The following SLC25A21 variants were observed in gnomAD, a reference collection of about 807,000 sequenced individuals.
SLC25A21 encodes mitochondrial 2-oxodicarboxylate carrier.
In SLC25A21, 47 loss-of-function variants were observed where a neutral mutation model predicts 43.8. That is an observed-to-expected ratio of 1.07 (90% CI 0.85 to 1.37). The LOEUF is 1.37. Ranked by LOEUF, SLC25A21 falls within the 40% of genes most tolerant of loss-of-function variation. The pLI is 0.00. For synonymous variants in SLC25A21, 131 were observed against 121.3 expected (o/e 1.08, Z -0.52); for missense variants, 352 against 350.2 (o/e 1.00, Z -0.04).
intron 1 of SLC25A21, among the ~76,000 whole-genome samples, chr14:36,896,363 TCCTG>T (rs1891238881): frequency 6.6e-6 from 1 of 151,964 alleles, no homozygotes; most frequent in Admixed American, 6.6e-5. Flanking sequence ...GGATTGCAAC[TCCTG>T]CCTTTTTTTG....
At chr14:37,153,392 C>G (rs1190110514) in intron 1 of SLC25A21, among the ~76,000 whole-genome samples, 1 of 152,186 alleles carries the variant, frequency 6.6e-6, no homozygotes. Context: ...AAGAAGCAAG[C>G]AAGACATGAG....
chr14:36,764,308 T>A (rs554131735), intron 3 of SLC25A21, among the ~76,000 whole-genome samples: 2 of 151,732 alleles, frequency 1.3e-5, no homozygotes, highest in African/African-American at 4.8e-5. Flanking sequence ...AGCCTTGCCT[T>A]TCATTGAGAT....
chr14:36,797,652 T>C (rs1382525019), intron 3 of SLC25A21, among the ~76,000 whole-genome samples: 3 of 152,212 alleles, frequency 2.0e-5, no homozygotes, highest in African/African-American at 7.2e-5. Context: ...TTACTTACTT[T>C]AAAACCCTTG....
At chr14:37,134,046 C>A (rs1397050108) in intron 1 of SLC25A21, among the ~76,000 whole-genome samples, 3 of 151,966 alleles carry the variant, frequency 2.0e-5, no homozygotes, top group African/African-American at 7.3e-5. Flanking sequence ...GAGAAACATC[C>A]CAGGAAGATA....
chr14:37,086,920 T>C (rs1274636181), intron 1 of SLC25A21, among the ~76,000 whole-genome samples: 1 of 152,218 alleles, frequency 6.6e-6, no homozygotes, highest in Non-Finnish European at 1.5e-5. Context: ...AGACTTTATT[T>C]CAGCTTCAAG....
intron 1 of SLC25A21, among the ~76,000 whole-genome samples, chr14:37,035,716 G>A (rs1179228300): frequency 2.0e-5 from 3 of 152,112 alleles, no homozygotes; most frequent in African/African-American, 7.2e-5. Flanking sequence ...AGGTACCAAG[G>A]GCATAAGCAC....
intron 3 of SLC25A21, among the ~76,000 whole-genome samples, chr14:36,770,877 C>A (rs1886595414): frequency 6.6e-6 from 1 of 152,168 alleles, no homozygotes; most frequent in Non-Finnish European, 1.5e-5. Context: ...GCCTTCTTGA[C>A]TTTGTGCATA....
intron 2 of SLC25A21, among the ~76,000 whole-genome samples, chr14:36,859,179 T>A (rs1889992191): frequency 6.6e-6 from 1 of 152,208 alleles, no homozygotes; most frequent in East Asian, 1.9e-4. Flanking sequence ...GGTTGTCTTT[T>A]AAAAAGAAAA....
At chr14:36,973,869 G>A (rs541035684) in intron 1 of SLC25A21, among the ~76,000 whole-genome samples, 4 of 152,260 alleles carry the variant, frequency 2.6e-5, no homozygotes, top group African/African-American at 7.2e-5. Context: ...AACTGAGGCA[G>A]AATGAGAAGT....
intron 7 of SLC25A21, among the ~76,000 whole-genome samples, chr14:36,695,782 G>A (rs906322211): frequency 6.6e-6 from 1 of 152,056 alleles, no homozygotes; most frequent in Non-Finnish European, 1.5e-5. Flanking sequence ...TCCTGAATTT[G>A]CTTATCAGTT....
intron 3 of SLC25A21, among the ~76,000 whole-genome samples, chr14:36,752,714 T>C (rs548347044): frequency 6.6e-6 from 1 of 152,234 alleles, no homozygotes; most frequent in African/African-American, 2.4e-5. Context: ...TCCCCACATG[T>C]TGTGGGAGGG....
rs115638983 is a variant in SLC25A21 at position 36,908,979 on chromosome 14, C to T, written c.71-33975G>A. Among the ~76,000 whole-genome samples the T allele has an allele frequency of 8.7e-3, 1,325 of 152,104 alleles. 20 individuals carry two copies. The highest frequency in any genetic ancestry group is 0.03 in the African/African-American group (1,232 of 41,484). ...ATAGTTTACTTGGAGGCAGAGGTGC[C>T]AAGGAAGAGGCTGTTGAATAATCCA... On this transcript the variant is annotated intron_variant, in intron 1 of 9. Coordinates refer to ENST00000331299, the MANE Select transcript of SLC25A21 (RefSeq NM_030631.4).
At chr14:36,723,889 T>C (rs1884474428) in intron 6 of SLC25A21, among the ~76,000 whole-genome samples, 1 of 152,076 alleles carries the variant, frequency 6.6e-6, no homozygotes, top group Non-Finnish European at 1.5e-5. Context: ...GTTTATTCCT[T>C]TGCCTACTCA....
At chr14:36,836,005 G>C (rs1376685978) in intron 2 of SLC25A21, among the ~76,000 whole-genome samples, 3 of 152,166 alleles carry the variant, frequency 2.0e-5, no homozygotes, top group Non-Finnish European at 4.4e-5. Flanking sequence ...TGAGTGAACA[G>C]TCAGCTACTA....
At chr14:37,017,939 T>G (rs1336411463) in intron 1 of SLC25A21, among the ~76,000 whole-genome samples, 3 of 152,012 alleles carry the variant, frequency 2.0e-5, no homozygotes, top group African/African-American at 4.8e-5. Flanking sequence ...ATCCCTTTCA[T>G]GTACCTAAAT....
intron 1 of SLC25A21, among the ~76,000 whole-genome samples, chr14:37,049,675 T>C (rs1233734092): frequency 1.3e-5 from 2 of 152,294 alleles, no homozygotes; most frequent in East Asian, 3.9e-4. Flanking sequence ...GACCCACATA[T>C]GTAAGTCCAT....
At position 37,016,039 on chromosome 14, in the gene SLC25A21, T is replaced by C. The variant is rs564323315; in HGVS notation, c.71-141035A>G. ...TTTCTTTTGCTGTGCAGAAGCTCTT[T>C]AGTTTAATTAGATCCGATTTGTCAA... is the stretch of plus-strand genomic sequence containing the variant. On this transcript the variant is annotated intron_variant, in intron 1 of 9. Transcript: ENST00000331299. 2.6e-5 allele frequency among the ~76,000 whole-genome samples: 4 copies of C among 152,076 alleles called. No homozygotes were observed. In the South Asian group the frequency reaches 6.2e-4, roughly 24 times the overall value.
chr14:36,903,389 A>G (rs1326196442), intron 1 of SLC25A21, among the ~76,000 whole-genome samples: 1 of 152,006 alleles, frequency 6.6e-6, no homozygotes, highest in Non-Finnish European at 1.5e-5. Flanking sequence ...AGGTGGGTGG[A>G]TCACTTGAGG....
At chr14:36,826,964 A>G (rs569770240) in intron 2 of SLC25A21, among the ~76,000 whole-genome samples, 110 of 152,308 alleles carry the variant, frequency 7.2e-4, no homozygotes, top group African/African-American at 2.6e-3. Flanking sequence ...ACAAGATCTA[A>G]TCACAACTTT....
Sources: gnomAD v4.1 joint callset for allele counts (sites outside exome capture counted in the v4.1 genomes callset) on GRCh38, gnomAD v4.1.1 for gene constraint, MANE v1.5 for transcripts, NCBI Gene and HGNC (gene_info 2026-07-23, HGNC 2026-07-21) for gene names.